PREX2: variants seen among roughly 807,000 people sequenced by gnomAD.
PREX2 encodes phosphatidylinositol 3,4,5-trisphosphate-dependent Rac exchanger 2 protein.
A neutral mutation model predicts 203.2 loss-of-function variants in PREX2; 107 were observed. The ratio of observed to expected loss-of-function variants is 0.53; its 90% CI spans 0.45 to 0.62. The LOEUF (loss-of-function observed/expected upper bound fraction) is 0.62. Among genes scored for constraint, PREX2 ranks in the 20% least tolerant of loss-of-function variants. PREX2 has a pLI of 0.00. For missense variants in PREX2, 1,777 were observed against 1,955.9 expected (o/e 0.91, Z 1.72); for synonymous variants, 672 against 663.6 (o/e 1.01, Z -0.19).
chr8:68,157,033 G>A (rs906827247), intron 34 of PREX2, among the ~76,000 whole-genome samples: 1 of 152,038 alleles, frequency 6.6e-6, no homozygotes, highest in South Asian at 2.1e-4. Context: ...TTATATTTTG[G>A]AGCGGCATAT....
intron 31 of PREX2, among the ~76,000 whole-genome samples, chr8:68,129,722 A>ATG (rs1491268914): frequency 3.3e-5 from 5 of 152,134 alleles, no homozygotes; most frequent in African/African-American, 9.7e-5. Flanking sequence ...AATTTAAAAC[A>ATG]TGTGTTAGAA....
At chr8:68,126,390 A>G (rs1025407977) in intron 30 of PREX2, among the ~76,000 whole-genome samples, 2 of 152,110 alleles carry the variant, frequency 1.3e-5, no homozygotes, top group Non-Finnish European at 2.9e-5. Flanking sequence ...GGCAGATGTT[A>G]TCTTCATTTA....
chr8:68,180,962 T>C (rs1169801008), intron 35 of PREX2, among the ~76,000 whole-genome samples: 2 of 152,152 alleles, frequency 1.3e-5, no homozygotes, highest in African/African-American at 4.8e-5. Flanking sequence ...AGAATGAACT[T>C]GGTCAAGCTT....
At position 68,236,087 on chromosome 8, in the gene PREX2, A is replaced by G. The variant is rs1322094454; in HGVS notation, c.*4709A>G. ...TTTTGTATGAATGTACGACAAATCGAGTTGTTCAATGTATTGAATGAATGT... is the reference window on the plus strand; with the variant it reads ...TTTTGTATGAATGTACGACAAATCGGGTTGTTCAATGTATTGAATGAATGT... On this transcript the variant is annotated 3_prime_UTR_variant, in exon 40 of 40. Coordinates refer to ENST00000288368, the MANE Select transcript of PREX2 (RefSeq NM_024870.4). 1 of 152,140 alleles carries G rather than the reference A, an allele frequency of 6.6e-6. No homozygotes were observed. Among genetic ancestry groups the G allele is most frequent in the Non-Finnish European group, 1.5e-5 (1 of 68,006 alleles). 9.4% of individuals were successfully genotyped at this position (152,140 alleles called of 1,614,324 possible).
At chr8:68,046,732 T>C (rs1282840716) in intron 8 of PREX2, among the ~76,000 whole-genome samples, 2 of 152,080 alleles carry the variant, frequency 1.3e-5, no homozygotes, top group East Asian at 1.9e-4. Context: ...TTCCCCCTCT[T>C]TACTTTTTCT....
intron 1 of PREX2, among the ~76,000 whole-genome samples, chr8:68,006,670 T>C (rs950234920): frequency 1.3e-5 from 2 of 152,178 alleles, no homozygotes; most frequent in African/African-American, 4.8e-5. Context: ...TTTTACATAT[T>C]ATGTGCACGT....
intron 9 of PREX2, 25 bp downstream of exon 9, chr8:68,053,271 T>C (rs779949058): frequency 1.9e-6 from 3 of 1,611,706 alleles, no homozygotes; most frequent in Admixed American, 3.3e-5. Flanking sequence ...TGGGCGCTGT[T>C]ACACTTTGTG....
chr8:68,114,246 T>A, intron 25 of PREX2: 1 of 474,630 alleles, frequency 2.1e-6, no homozygotes. Flanking sequence ...AATCACTTAA[T>A]AGGTATTTAT....
At chr8:68,115,082 C>T (rs923975980) in intron 25 of PREX2, among the ~76,000 whole-genome samples, 4 of 119,504 alleles carry the variant, frequency 3.3e-5, no homozygotes, top group Non-Finnish European at 6.4e-5. Flanking sequence ...GGCTGGAGTA[C>T]AATGGCACGA....
intron 1 of PREX2, among the ~76,000 whole-genome samples, chr8:67,975,698 T>C (rs1028399212): frequency 0.095 from 9,412 of 99,322 alleles, 1,218 homozygotes; most frequent in African/African-American, 0.19. Context: ...CTCTTTCTTT[T>C]TTTTTTTTTT....
chr8:68,168,102 C>T (rs967660804), intron 35 of PREX2, among the ~76,000 whole-genome samples: 9 of 152,160 alleles, frequency 5.9e-5, no homozygotes, highest in African/African-American at 2.4e-5. Flanking sequence ...CAGTGTTCCT[C>T]GAAAATGATA....
At chr8:68,140,459 G>T (rs1210025121) in intron 33 of PREX2, among the ~76,000 whole-genome samples, 1 of 152,140 alleles carries the variant, frequency 6.6e-6, no homozygotes, top group Admixed American at 6.5e-5. Flanking sequence ...TTATTTAAGT[G>T]GTGTAAGAAA....
At chr8:68,212,991 T>A (rs1812769465) in intron 37 of PREX2, among the ~76,000 whole-genome samples, 1 of 152,186 alleles carries the variant, frequency 6.6e-6, no homozygotes, top group Admixed American at 6.5e-5. Flanking sequence ...CCTGGGGGCC[T>A]CAGGATATGG....
chr8:68,114,158 G>A (rs1024985787), intron 25 of PREX2, among the ~76,000 whole-genome samples: 19 of 152,010 alleles, frequency 1.2e-4, no homozygotes, highest in Non-Finnish European at 2.4e-4. Context: ...CACCGCGCCC[G>A]GCCCTTTTGT....
intron 4 of PREX2, among the ~76,000 whole-genome samples, chr8:68,024,622 GT>G (rs1807662080): frequency 6.6e-6 from 1 of 151,806 alleles, no homozygotes; most frequent in Non-Finnish European, 1.5e-5. Flanking sequence ...GGGGTCCTCA[GT>G]TTGTTTGTTT....
At chr8:68,196,619 G>A (rs1812400785) in intron 37 of PREX2, among the ~76,000 whole-genome samples, 1 of 151,792 alleles carries the variant, frequency 6.6e-6, no homozygotes, top group African/African-American at 2.4e-5. Flanking sequence ...GTTGAAGGTG[G>A]GGCCTGGTGG....
At chr8:68,018,536 G>A (rs1807472687) in intron 2 of PREX2, among the ~76,000 whole-genome samples, 1 of 152,118 alleles carries the variant, frequency 6.6e-6, no homozygotes, top group African/African-American at 2.4e-5. Flanking sequence ...GAAGGAGGGA[G>A]CTGAGCCGTA....
At chr8:68,226,237 G>A (rs866224040) in intron 39 of PREX2, among the ~76,000 whole-genome samples, 5 of 152,126 alleles carry the variant, frequency 3.3e-5, no homozygotes, top group Admixed American at 2.0e-4. Flanking sequence ...ACTCTGCTAT[G>A]CCCCAAGGAG....
At chr8:68,102,606 T>A (rs901262760) in intron 23 of PREX2, among the ~76,000 whole-genome samples, 1 of 152,216 alleles carries the variant, frequency 6.6e-6, no homozygotes, top group African/African-American at 2.4e-5. Flanking sequence ...TTAAAACTAT[T>A]ATTAGCAACA....
Sources: allele counts gnomAD v4.1 joint callset (sites outside exome capture counted in the v4.1 genomes callset), GRCh38; gene constraint gnomAD v4.1.1; transcripts MANE v1.5; gene names NCBI Gene and HGNC (gene_info 2026-07-23, HGNC 2026-07-21).